SOX6: variants seen among roughly 807,000 people sequenced by gnomAD.
SOX6 encodes SRY-box transcription factor 6.
In SOX6, 11 loss-of-function variants were observed where a neutral mutation model predicts 97.8. The ratio of observed to expected loss-of-function variants is 0.11; its 90% CI spans 0.07 to 0.19. The LOEUF (loss-of-function observed/expected upper bound fraction) is 0.19. Ranked by LOEUF, SOX6 falls within the 10% of genes least tolerant of loss-of-function variation. SOX6 has a pLI of 1.00. For synonymous variants in SOX6, 360 were observed against 371.4 expected, an observed-to-expected ratio of 0.97 and a Z score of 0.35; for missense variants, 810 against 1,039.5, an observed-to-expected ratio of 0.78 and a Z score of 3.04.
At chr11:16,342,858 T>C (rs955140349) in intron 1 of SOX6, among the ~76,000 whole-genome samples, 3 of 151,900 alleles carry the variant, frequency 2.0e-5, no homozygotes, top group African/African-American at 7.2e-5. Flanking sequence ...ATTAAAATGC[T>C]GATACCAATT....
Position 16,010,023 on chromosome 11 carries a change from AAAG to A in SOX6, c.1732+4916_1732+4918del, listed in dbSNP as rs541261546. On this transcript the variant is annotated intron_variant, in intron 13 of 15. Transcript: ENST00000683767. ...CATATTAAGCGGTGTGTTTTAAAGA[AAAG>A]AAGAACTATTACAATCTCTGCTATT... is the stretch of plus-strand genomic sequence containing the variant. 7.0e-4 allele frequency among the ~76,000 whole-genome samples: 107 copies of A among 152,016 alleles called. 1 individual carries two copies. Among genetic ancestry groups the A allele is most frequent in the Admixed American group, 2.3e-3 (35 of 15,226 alleles).
chr11:16,200,137 T>C (rs1455118), intron 4 of SOX6, among the ~76,000 whole-genome samples: 74,345 of 151,978 alleles, frequency 0.49, 18,480 homozygotes, highest in Middle Eastern at 0.66. Flanking sequence ...TCAGAAGTTA[T>C]ACTTTAGATA....
At chr11:16,517,256 T>C (rs1860988691) in intron 4 of SOX6, among the ~76,000 whole-genome samples, 1 of 151,728 alleles carries the variant, frequency 6.6e-6, no homozygotes, top group East Asian at 1.9e-4. Context: ...GCATTCCCTT[T>C]GAAAACTGGC....
chr11:16,045,753 C>T (rs1855809299), intron 12 of SOX6, among the ~76,000 whole-genome samples: 1 of 152,132 alleles, frequency 6.6e-6, no homozygotes, highest in South Asian at 2.1e-4. Context: ...TGGACTGTTG[C>T]TTCATTCAGA....
intron 2 of SOX6, among the ~76,000 whole-genome samples, chr11:16,322,461 A>T (rs1855957742): frequency 6.6e-6 from 1 of 152,126 alleles, no homozygotes; most frequent in African/African-American, 2.4e-5. Context: ...CAGAACCATG[A>T]GCTATTAAAC....
intron 9 of SOX6, among the ~76,000 whole-genome samples, chr11:16,059,665 T>C (rs1847898255): frequency 6.6e-6 from 1 of 151,960 alleles, no homozygotes; most frequent in Non-Finnish European, 1.5e-5. Context: ...GAAATTAAAG[T>C]TTCATAATTC....
chr11:16,554,301 G>C (rs1463743367), intron 4 of SOX6, among the ~76,000 whole-genome samples: 2 of 152,020 alleles, frequency 1.3e-5, no homozygotes, highest in African/African-American at 4.8e-5. Context: ...TATTAGTCTG[G>C]GAGGGCAATG....
chr11:16,231,951 A>C (rs1400602788), intron 4 of SOX6, among the ~76,000 whole-genome samples: 3 of 151,878 alleles, frequency 2.0e-5, no homozygotes, highest in Admixed American at 6.6e-5. Flanking sequence ...AATGGAAAGA[A>C]TATACAATAA....
At chr11:16,456,574 C>T (rs183040178) in intron 1 of SOX6, among the ~76,000 whole-genome samples, 2 of 152,156 alleles carry the variant, frequency 1.3e-5, no homozygotes, top group East Asian at 1.9e-4. Context: ...CCAAGTCACT[C>T]GAGATACCAG....
At chr11:16,456,231 G>GGTTTA (rs1339623316) in intron 1 of SOX6, among the ~76,000 whole-genome samples, 1 of 151,964 alleles carries the variant, frequency 6.6e-6, no homozygotes, top group Non-Finnish European at 1.5e-5. Context: ...TTTAGTGATG[G>GGTTTA]GTTTAGTCCG....
intron 4 of SOX6, among the ~76,000 whole-genome samples, chr11:16,510,213 A>G (rs368057103): frequency 6.6e-6 from 1 of 152,082 alleles, no homozygotes; most frequent in African/African-American, 2.4e-5. Context: ...TTGTTTGTGC[A>G]CTTCAAAGAA....
At chr11:16,724,929 C>T (rs2134056115) in intron 2 of SOX6, among the ~76,000 whole-genome samples, 1 of 152,292 alleles carries the variant, frequency 6.6e-6, no homozygotes, top group South Asian at 2.1e-4. Flanking sequence ...TAAAATGGTA[C>T]AGCCACTTTG....
chr11:16,045,862 C>G (rs371064111), intron 12 of SOX6, among the ~76,000 whole-genome samples: 1 of 152,132 alleles, frequency 6.6e-6, no homozygotes, highest in Non-Finnish European at 1.5e-5. Context: ...TTTCTCACGG[C>G]ATTTATTGAC....
intron 13 of SOX6, among the ~76,000 whole-genome samples, chr11:15,998,835 C>T (rs913158379): frequency 4.6e-5 from 7 of 151,964 alleles, no homozygotes; most frequent in East Asian, 1.9e-4. Context: ...TCTAAATATA[C>T]ATAAGACAAT....
At chr11:16,671,675 T>C (rs1160325654) in intron 3 of SOX6, among the ~76,000 whole-genome samples, 2 of 152,134 alleles carry the variant, frequency 1.3e-5, no homozygotes, top group Non-Finnish European at 2.9e-5. Flanking sequence ...TACTAATCGT[T>C]GGCATCCCTG....
At chr11:16,126,835 C>T (rs897283653) in intron 6 of SOX6, among the ~76,000 whole-genome samples, 1 of 152,120 alleles carries the variant, frequency 6.6e-6, no homozygotes, top group African/African-American at 2.4e-5. Flanking sequence ...CCCTGGAAAA[C>T]ATCTATTCCA....
chr11:16,566,735 G>C (rs542128997), intron 4 of SOX6, among the ~76,000 whole-genome samples: 1 of 152,352 alleles, frequency 6.6e-6, no homozygotes, highest in African/African-American at 2.4e-5. Context: ...TCATGGAAAG[G>C]TAAAATGATG....
chr11:16,648,856 A>T (rs1374579445), intron 3 of SOX6, among the ~76,000 whole-genome samples: 7 of 152,186 alleles, frequency 4.6e-5, no homozygotes, highest in Non-Finnish European at 1.5e-5. Flanking sequence ...CAAACTTAAA[A>T]ATTATATTTA....
At chr11:16,235,699 C>A (rs1181592151) in intron 3 of SOX6, among the ~76,000 whole-genome samples, 1 of 152,044 alleles carries the variant, frequency 6.6e-6, no homozygotes, top group Non-Finnish European at 1.5e-5. Flanking sequence ...CGTATCAGCA[C>A]CTATCTCTTT....
Sources: allele counts gnomAD v4.1 joint callset (sites outside exome capture counted in the v4.1 genomes callset), GRCh38; gene constraint gnomAD v4.1.1; transcripts MANE v1.5; gene names NCBI Gene and HGNC (gene_info 2026-07-23, HGNC 2026-07-21).